Variants in PIK3CB observed in about 807,000 individuals in gnomAD.
The protein encoded by PIK3CB is phosphatidylinositol-4,5-bisphosphate 3-kinase catalytic subunit beta, also known as phosphatidylinositol 4,5-bisphosphate 3-kinase catalytic subunit beta isoform.
In PIK3CB, 39 loss-of-function variants were observed where a neutral mutation model predicts 136.8. The ratio of observed to expected loss-of-function variants is 0.29; its 90% CI spans 0.22 to 0.37. PIK3CB has a LOEUF of 0.37. Among genes scored for constraint, PIK3CB ranks in the 10% least tolerant of loss-of-function variants. The probability of loss-of-function intolerance (pLI) is 1.00; values close to 1 mark genes in which losing one functional copy is unlikely to be tolerated. For missense variants in PIK3CB, 868 were observed against 1,275.4 expected (o/e 0.68, Z 4.87); for synonymous variants, 428 against 436.6 (o/e 0.98, Z 0.25).
At chr3:138,748,392 C>T (rs935838203) in intron 4 of PIK3CB, among the ~76,000 whole-genome samples, 16 of 152,230 alleles carry the variant, frequency 1.1e-4, no homozygotes, top group African/African-American at 3.9e-4. Context: ...CACTGTAAAG[C>T]TTTCCCACTC....
chr3:138,704,088 G>C (rs776037118), intron 12 of PIK3CB, among the ~76,000 whole-genome samples: 6 of 152,188 alleles, frequency 3.9e-5, no homozygotes, highest in Non-Finnish European at 7.4e-5. Flanking sequence ...GCATGATGAT[G>C]TGTGTGCCTA....
chr3:138,820,682 C>CA (rs1933523778), intron 1 of PIK3CB, among the ~76,000 whole-genome samples: 1 of 152,066 alleles, frequency 6.6e-6, no homozygotes, highest in Non-Finnish European at 1.5e-5. Context: ...TTATTAGAGA[C>CA]AGGGTTTCAC....
intron 2 of PIK3CB, among the ~76,000 whole-genome samples, chr3:138,762,036 C>T (rs2045670011): frequency 6.6e-6 from 1 of 151,668 alleles, no homozygotes. Context: ...CACCTGAGGT[C>T]AGGAGTTTGA....
chr3:138,700,337 T>C (rs2044224485), intron 12 of PIK3CB, among the ~76,000 whole-genome samples: 1 of 152,098 alleles, frequency 6.6e-6, no homozygotes, highest in Non-Finnish European at 1.5e-5. Flanking sequence ...TCCGGAGAAA[T>C]GCCTGATTCC....
At chr3:138,795,014 A>T (rs1452790369) in intron 2 of PIK3CB, among the ~76,000 whole-genome samples, 1 of 151,698 alleles carries the variant, frequency 6.6e-6, no homozygotes, top group Non-Finnish European at 1.5e-5. Context: ...CTGAGACCCC[A>T]TTTTCTTAAA....
intron 1 of PIK3CB, among the ~76,000 whole-genome samples, chr3:138,800,999 T>G (rs975044042): frequency 1.3e-5 from 2 of 152,172 alleles, no homozygotes; most frequent in African/African-American, 4.8e-5. Context: ...TAAAAAAGAA[T>G]AGATTCAGGA....
intron 19 of PIK3CB, among the ~76,000 whole-genome samples, chr3:138,667,790 G>T (rs987891540): frequency 1.3e-5 from 2 of 151,754 alleles, no homozygotes; most frequent in Admixed American, 1.3e-4. Flanking sequence ...TTTTCATCCG[G>T]GCACGGTGGC....
intron 2 of PIK3CB, among the ~76,000 whole-genome samples, chr3:138,792,152 G>A (rs7626066): frequency 0.03 from 4,603 of 151,986 alleles, 233 homozygotes; most frequent in African/African-American, 0.11. Flanking sequence ...CTGAGATCGC[G>A]CCATTGCACT....
intron 2 of PIK3CB, among the ~76,000 whole-genome samples, chr3:138,776,447 T>C: frequency 6.6e-6 from 1 of 151,814 alleles, no homozygotes; most frequent in Non-Finnish European, 1.5e-5. Flanking sequence ...TCGAGTACTG[T>C]GAGAGGGCGA....
intron 4 of PIK3CB, among the ~76,000 whole-genome samples, chr3:138,743,261 A>T (rs2045280202): frequency 6.6e-6 from 1 of 152,206 alleles, no homozygotes; most frequent in South Asian, 2.1e-4. Flanking sequence ...GCTACAATAC[A>T]CAGGGGCAGA....
At chr3:138,809,210 G>A (rs895905839) in intron 1 of PIK3CB, among the ~76,000 whole-genome samples, 1 of 150,732 alleles carries the variant, frequency 6.6e-6, no homozygotes, top group South Asian at 2.1e-4. Flanking sequence ...CCCGAGAGGC[G>A]GAGACTGCAG....
intron 3 of PIK3CB, among the ~76,000 whole-genome samples, chr3:138,757,589 GAGGAAGGAAGAA>G (rs1230182461): frequency 6.9e-6 from 1 of 145,232 alleles, no homozygotes; most frequent in Non-Finnish European, 1.5e-5. Context: ...TGTAAGAAAA[GAGGAAGGAAGAA>G]AGGAAGGAAG....
chr3:138,697,037 T>C (rs941381037), intron 13 of PIK3CB, among the ~76,000 whole-genome samples: 2 of 152,172 alleles, frequency 1.3e-5, no homozygotes, highest in Admixed American at 1.3e-4. Context: ...AATTAAATCA[T>C]GTAAGTGTAA....
intron 1 of PIK3CB, among the ~76,000 whole-genome samples, chr3:138,821,609 AC>A (rs1933567012): frequency 6.6e-6 from 1 of 151,844 alleles, no homozygotes; most frequent in East Asian, 1.9e-4. Context: ...ACATGGTAAA[AC>A]CCCACCTCTA....
chr3:138,711,105 C>G (rs1041483061), intron 10 of PIK3CB, among the ~76,000 whole-genome samples: 6 of 150,940 alleles, frequency 4.0e-5, no homozygotes, highest in Middle Eastern at 3.4e-3. Context: ...AGTGTTTTTA[C>G]TATTTCTCCC....
intron 1 of PIK3CB, among the ~76,000 whole-genome samples, chr3:138,823,791 T>C (rs34173962): frequency 0.045 from 6,897 of 152,296 alleles, 241 homozygotes; most frequent in Non-Finnish European, 0.071. Flanking sequence ...CAAATCGGGT[T>C]ATAATTCTGA....
chr3:138,659,473 C>T (rs190467073), intron 21 of PIK3CB, among the ~76,000 whole-genome samples: 6 of 151,528 alleles, frequency 4.0e-5, no homozygotes, highest in Non-Finnish European at 8.8e-5. Context: ...GCCGGGATCA[C>T]GCCACTGCAC....
chr3:138,657,875 G>A, intron 21 of PIK3CB, 40 bp from the exon 22 acceptor site: 2 of 1,591,804 alleles, frequency 1.3e-6, no homozygotes, highest in Non-Finnish European at 1.7e-6. Context: ...CATTTTTCTG[G>A]TGGGTTCCAA....
chr3:138,671,631 G>A (rs1256220475), intron 19 of PIK3CB, among the ~76,000 whole-genome samples: 1 of 152,226 alleles, frequency 6.6e-6, no homozygotes, highest in Non-Finnish European at 1.5e-5. Context: ...CATGAGGTAG[G>A]ATCTGGACCC....
Sources: gnomAD v4.1 joint callset for allele counts (sites outside exome capture counted in the v4.1 genomes callset) on GRCh38, gnomAD v4.1.1 for gene constraint, MANE v1.5 for transcripts, NCBI Gene and HGNC (gene_info 2026-07-23, HGNC 2026-07-21) for gene names.